Variants in IFT140 observed in about 807,000 individuals in gnomAD.
IFT140 encodes the protein intraflagellar transport protein 140 homolog.
A neutral mutation model predicts 164.6 loss-of-function variants in IFT140; 133 were observed. The ratio of observed to expected loss-of-function variants is 0.81; its 90% CI spans 0.70 to 0.93. The LOEUF (loss-of-function observed/expected upper bound fraction) is 0.93. Among genes scored for constraint, IFT140 ranks in the 40% least tolerant of loss-of-function variants. The pLI is 0.00. For missense variants in IFT140, 2,045 were observed against 1,972.3 expected (o/e 1.04, Z -0.70); for synonymous variants, 860 against 817.3 (o/e 1.05, Z -0.89).
chr16:1,607,012 A>C (rs1230973172), intron 3 of IFT140, 108 bp downstream of exon 3: 1 of 1,093,040 alleles, frequency 9.1e-7, no homozygotes. Context: ...ATACACACAC[A>C]CACCCATAGG....
At chr16:1,608,825 C>G (rs2036206082) in intron 2 of IFT140, among the ~76,000 whole-genome samples, 1 of 152,010 alleles carries the variant, frequency 6.6e-6, no homozygotes, top group Non-Finnish European at 1.5e-5. Context: ...AAGTGATCCT[C>G]CTGCCTCAGT....
At chr16:1,586,031 A>C in intron 10 of IFT140, 99 bp downstream of exon 10, 1 of 1,459,024 alleles carries the variant, frequency 6.9e-7, no homozygotes, top group East Asian at 2.3e-5. Flanking sequence ...TTGGCCTCCC[A>C]AAGTGCTGGG....
At chr16:1,555,713 C>G (rs1016702621) in intron 19 of IFT140, 1 of 152,372 alleles carries the variant, frequency 6.6e-6, no homozygotes, top group East Asian at 1.9e-4. Flanking sequence ...CACTCTTATC[C>G]ACACTTCTGT....
chr16:1,586,053 G>C, intron 10 of IFT140, 77 bp downstream of exon 10: 3 of 1,570,800 alleles, frequency 1.9e-6, no homozygotes, highest in Non-Finnish European at 2.6e-6. Context: ...TTACAGGCGT[G>C]AGCCACCGCG....
chr16:1,534,943 G>A (rs1317971175), intron 19 of IFT140, among the ~76,000 whole-genome samples: 1 of 152,138 alleles, frequency 6.6e-6, no homozygotes, highest in African/African-American at 2.4e-5. Flanking sequence ...AGTGGTTCAC[G>A]TCTGTAATCC....
chr16:1,513,904 A>C, intron 30 of IFT140, among the ~76,000 whole-genome samples: 1 of 144,030 alleles, frequency 6.9e-6, no homozygotes, highest in African/African-American at 2.6e-5. Flanking sequence ...CCATCTCCTG[A>C]CCTCATGATC....
At chr16:1,609,202 T>C (rs2036222725) in intron 2 of IFT140, among the ~76,000 whole-genome samples, 1 of 152,020 alleles carries the variant, frequency 6.6e-6, no homozygotes, top group South Asian at 2.1e-4. Context: ...AGGTTACAAA[T>C]CCTGGGCTAA....
chr16:1,539,227 C>T (rs914166947), intron 19 of IFT140, among the ~76,000 whole-genome samples: 2 of 151,914 alleles, frequency 1.3e-5, no homozygotes, highest in Non-Finnish European at 2.9e-5. Context: ...CCGACCCAAG[C>T]CTCAGGACTC....
chr16:1,515,032 T>C lies in IFT140; in HGVS notation c.4182+3184A>G, dbSNP rs538154216. 4.0e-5 allele frequency among the ~76,000 whole-genome samples: 6 copies of C among 151,854 alleles called. No individual in the cohort carries two copies. The South Asian group carries it at 8.3e-4, about 21-fold the overall frequency. On this transcript the variant is annotated intron_variant, in intron 30 of 30. Coordinates refer to ENST00000426508, the MANE Select transcript of IFT140 (RefSeq NM_014714.4). Reference sequence around the variant, plus strand: ...GATAGCTAAAGAAAGTCTAGATAAATACAAATTAATCCAAAGGACAGAAAA... The same window carrying C: ...GATAGCTAAAGAAAGTCTAGATAAACACAAATTAATCCAAAGGACAGAAAA...
intron 19 of IFT140, among the ~76,000 whole-genome samples, chr16:1,552,643 G>A (rs2032750511): frequency 6.9e-6 from 1 of 144,696 alleles, no homozygotes; most frequent in African/African-American, 2.6e-5. Context: ...ATTACAAAGA[G>A]AATGCTTTTT....
At chr16:1,540,516 C>A (rs1279215382) in intron 19 of IFT140, among the ~76,000 whole-genome samples, 1 of 152,236 alleles carries the variant, frequency 6.6e-6, no homozygotes, top group Non-Finnish European at 1.5e-5. Context: ...CCCCTCTCGG[C>A]CTCCACCCAG....
chr16:1,511,257 C>T lies in IFT140; in HGVS notation c.4183-107G>A, dbSNP rs2040139481. On this transcript the variant is annotated intron_variant, in intron 30 of 30. Coordinates refer to ENST00000426508, the MANE Select transcript of IFT140 (RefSeq NM_014714.4). ...TGCCCCTGGAGGCGGGTGGGGGTGCCTCCGCGCTGGAGGACACGGGGTGCA... is the reference window on the plus strand; with the variant it reads ...TGCCCCTGGAGGCGGGTGGGGGTGCTTCCGCGCTGGAGGACACGGGGTGCA... 3 of 1,048,056 alleles carry T rather than the reference C, an allele frequency of 2.9e-6. No individual in the cohort carries two copies. In the South Asian group the frequency reaches 4.1e-5, roughly 14 times the overall value. The allele number at this position is 1,048,056 out of a possible 1,614,324, so 64.9% of individuals were successfully genotyped here.
intron 4 of IFT140, among the ~76,000 whole-genome samples, chr16:1,595,780 C>G (rs1336072215): frequency 2.0e-5 from 3 of 152,068 alleles, no homozygotes; most frequent in Non-Finnish European, 4.4e-5. Flanking sequence ...AGCCCAGGCA[C>G]AATGGCTCAT....
chr16:1,548,988 C>T (rs749943226), intron 19 of IFT140, among the ~76,000 whole-genome samples: 1 of 152,234 alleles, frequency 6.6e-6, no homozygotes, highest in Non-Finnish European at 1.5e-5. Flanking sequence ...AGGATCTGGG[C>T]CACCGTCCTC....
At chr16:1,516,474 A>G (rs527970966) in intron 30 of IFT140, among the ~76,000 whole-genome samples, 2 of 152,110 alleles carry the variant, frequency 1.3e-5, no homozygotes, top group Non-Finnish European at 2.9e-5. Flanking sequence ...AAATTATAAA[A>G]AATAGTCCAC....
chr16:1,521,516 G>A (rs543093683), intron 26 of IFT140, among the ~76,000 whole-genome samples: 1 of 152,100 alleles, frequency 6.6e-6, no homozygotes, highest in East Asian at 2.0e-4. Context: ...AGCCTACCAA[G>A]TAGCTGGGAT....
At chr16:1,569,298 G>A (rs1032911486) in intron 14 of IFT140, among the ~76,000 whole-genome samples, 28 of 152,114 alleles carry the variant, frequency 1.8e-4, no homozygotes, top group African/African-American at 6.0e-4. Context: ...GTGAGCCACC[G>A]CGCTCGGCCG....
intron 26 of IFT140, among the ~76,000 whole-genome samples, chr16:1,522,230 G>T (rs1052542274): frequency 6.6e-6 from 1 of 152,064 alleles, no homozygotes; most frequent in East Asian, 1.9e-4. Context: ...GGTGGTGGGC[G>T]CCTGTAGTCC....
intron 23 of IFT140, 39 bp from the exon 24 acceptor site, chr16:1,524,734 C>CT: frequency 6.3e-7 from 1 of 1,583,710 alleles, no homozygotes; most frequent in Non-Finnish European, 8.6e-7. Context: ...ACACGGTGGC[C>CT]TTGTGTCTGC....
Sources: allele counts gnomAD v4.1 joint callset (sites outside exome capture counted in the v4.1 genomes callset), GRCh38; gene constraint gnomAD v4.1.1; transcripts MANE v1.5; gene names NCBI Gene and HGNC (gene_info 2026-07-23, HGNC 2026-07-21).